CCDC51: variants seen among roughly 807,000 people sequenced by gnomAD.
CCDC51 encodes the protein mitochondrial potassium channel.
CCDC51 carries 25 observed loss-of-function variants against 24.8 expected under a neutral mutation model. The observed-to-expected ratio is 1.01, with a 90% CI of 0.73 to 1.41. The LOEUF is 1.41. Among genes scored for constraint, CCDC51 ranks in the 40% most tolerant of loss-of-function variants. The pLI is 0.00. For missense variants in CCDC51, 466 were observed against 519.1 expected, an observed-to-expected ratio of 0.90 and a Z score of 0.99; for synonymous variants, 190 against 204.3, an observed-to-expected ratio of 0.93 and a Z score of 0.60.
At chr3:48,440,194 T>G, upstream of CCDC51, 2 of 1,506,976 alleles carry the variant, frequency 1.3e-6, no homozygotes, top group East Asian at 2.3e-5. Context: ...TTCAACTTCC[T>G]GACTAGGAGC....
chr3:48,440,501 G>C (rs2107160365), upstream of CCDC51: 5 of 1,604,298 alleles, frequency 3.1e-6, no homozygotes, highest in Admixed American at 3.4e-5. Context: ...GGGGGCGCTG[G>C]GAGACAGGCC....
At chr3:48,440,360 C>T, upstream of CCDC51, 2 of 1,611,730 alleles carry the variant, frequency 1.2e-6, no homozygotes, top group South Asian at 1.1e-5. Flanking sequence ...GGGGTGGGGA[C>T]CGGGCGGCAG....
At chr3:48,446,614 C>G in the CCDC51 span, 2 of 421,600 alleles carry the variant, frequency 4.7e-6, no homozygotes, top group Non-Finnish European at 7.8e-6. Flanking sequence ...GCAAACCTGC[C>G]GAATCCCGCC....
At chr3:48,441,222 T>C (rs1194244673), upstream of CCDC51, among the ~76,000 whole-genome samples, 1 of 152,020 alleles carries the variant, frequency 6.6e-6, no homozygotes, top group African/African-American at 2.4e-5. Context: ...ATTTTTGTAT[T>C]TTTAGTAGAG....
chr3:48,433,367 G>A lies in CCDC51; in HGVS notation c.478-201C>T, dbSNP rs568257901. Among the ~76,000 whole-genome samples, 9 of 152,322 alleles carry A rather than the reference G, an allele frequency of 5.9e-5. No individual in the cohort carries two copies. In the South Asian group the frequency reaches 1.9e-3, roughly 32 times the overall value. On this transcript the variant is annotated intron_variant, in intron 3 of 3. Coordinates refer to ENST00000395694, the MANE Select transcript of CCDC51 (RefSeq NM_001256964.2). This position sits in a 1 kb window ranked among gnomAD's most constrained non-coding sequence, Gnocchi z 4.4. ...AGTGATCAAAGTGAGTTGCATGATC[G>A]TCCCACCTGAGCAGTTCTGGGTTTG... is the stretch of plus-strand genomic sequence containing the variant.
At chr3:48,445,862 C>T in the CCDC51 span, among the ~76,000 whole-genome samples, 1,215 of 152,342 alleles carry the variant, frequency 8.0e-3, 6 homozygotes, top group Non-Finnish European at 0.013. Context: ...AACTTCTGCA[C>T]ACCACAGCTG....
Position 48,433,067 on chromosome 3 carries a change from CCTT to C in CCDC51, c.574_576del (p.Lys192del), listed in dbSNP as rs760368584. 4.0e-5 allele frequency: 64 copies of C among 1,614,062 alleles called. No homozygotes were observed. The highest frequency in any genetic ancestry group is 5.3e-5 in the Non-Finnish European group (62 of 1,180,046). The stretch of plus-strand genomic sequence containing the variant: ...TTGGTCCTCTCAGCCCTTGTGCGCT[CCTT>C]CTCATGACTTTCCCGCACAGCTGCA... On this transcript the variant is annotated inframe_deletion, in exon 4 of 4. Coordinates refer to ENST00000395694, the MANE Select transcript of CCDC51 (RefSeq NM_001256964.2). This position sits in a 1 kb window ranked among gnomAD's most constrained non-coding sequence, Gnocchi z 4.4.
chr3:48,435,385 G>A lies in CCDC51; in HGVS notation c.-8-249C>T, dbSNP rs1560091257. Among the ~76,000 whole-genome samples, 1 of 152,112 alleles carries A rather than the reference G, an allele frequency of 6.6e-6. No individual in the cohort carries two copies. Among genetic ancestry groups the A allele is most frequent in the Non-Finnish European group, 1.5e-5 (1 of 68,018 alleles). On this transcript the variant is annotated intron_variant, in intron 1 of 3. Transcript: ENST00000395694. This position sits in a 1 kb window ranked among gnomAD's most constrained non-coding sequence, Gnocchi z 4.2. ...TAGGATGCCATACCTTCCAGTGCCCGCCACCATGCCACACAAAGCGGACCC... is the reference window on the plus strand; with the variant it reads ...TAGGATGCCATACCTTCCAGTGCCCACCACCATGCCACACAAAGCGGACCC...
upstream of CCDC51, chr3:48,440,186 C>A: frequency 1.3e-6 from 2 of 1,499,508 alleles, no homozygotes; most frequent in South Asian, 1.3e-5. Context: ...AGCGAGAGTT[C>A]AACTTCCTGA....
upstream of CCDC51, chr3:48,440,857 G>A (rs1013097714): frequency 3.4e-5 from 20 of 589,442 alleles, no homozygotes; most frequent in Admixed American, 3.4e-4. Flanking sequence ...CATTCCTTAG[G>A]AAGAGCTGCA....
rs910510557 is a variant in CCDC51, at chr3:48,437,314, C to T, written c.-8-2178G>A. 1.3e-5 allele frequency among the ~76,000 whole-genome samples: 2 copies of T among 152,154 alleles called. No homozygotes were observed. The highest frequency in any genetic ancestry group is 6.5e-5 in the Admixed American group (1 of 15,284). ...GAATGTGGCAATAATTCCCATGTGG[C>T]AACTGGAGTTGTTTCTCCACTCCAG... On this transcript the variant is annotated intron_variant, in intron 1 of 3. Coordinates refer to ENST00000395694, the MANE Select transcript of CCDC51 (RefSeq NM_001256964.2). The surrounding 1 kb of genome is among the most constrained non-coding windows in gnomAD (Gnocchi z 4.2).
At chr3:48,444,561 CTG>C (rs2039633230), upstream of CCDC51, among the ~76,000 whole-genome samples, 2 of 152,212 alleles carry the variant, frequency 1.3e-5, no homozygotes, top group African/African-American at 2.4e-5. Flanking sequence ...GCATGAGCCA[CTG>C]TGCCTGACCA....
At position 48,434,913 on chromosome 3, in the gene CCDC51, C is replaced by T. The variant is rs1429999277; in HGVS notation, c.216G>A (p.Gln72=). Reference sequence around the variant, plus strand: ...TCTTGGCTGTGGAGGTCGCTCGTTGCTGAATGCTGTGCCCCAGGGCTCTTC... The same window carrying T: ...TCTTGGCTGTGGAGGTCGCTCGTTGTTGAATGCTGTGCCCCAGGGCTCTTC... The part of the protein sequence containing the change: ...ALGRALGHSI[Q]QRATSTAKTW... Residue 72 remains glutamine (Q), a synonymous_variant, in exon 2 of 4, where the codon CAG becomes CAA. Coordinates refer to ENST00000395694, the MANE Select transcript of CCDC51 (RefSeq NM_001256964.2). 1 of 1,614,256 alleles carries T rather than the reference C, an allele frequency of 6.2e-7. No individual in the cohort carries two copies. The highest frequency in any genetic ancestry group is 2.2e-5 in the East Asian group (1 of 44,892).
chr3:48,438,948 T>G (rs1347094908), intron 1 of CCDC51, among the ~76,000 whole-genome samples: 1 of 152,194 alleles, frequency 6.6e-6, no homozygotes, highest in East Asian at 1.9e-4. Context: ...TCCAAGCACA[T>G]GGACCTTCTT....
At chr3:48,434,120 A>C (rs2107128111) in intron 2 of CCDC51, 1 of 708,794 alleles carries the variant, frequency 1.4e-6, no homozygotes, top group East Asian at 3.6e-5. Context: ...AAAACTTGAA[A>C]ACAGCTAACA....
rs577436218 is a variant in CCDC51 at position 48,437,498 on chromosome 3, G to A, written c.-8-2362C>T. Among the ~76,000 whole-genome samples the A allele has an allele frequency of 2.4e-4, 36 of 152,214 alleles. No homozygotes were observed. The South Asian group carries it at 7.1e-3, about 30-fold the overall frequency. The stretch of plus-strand genomic sequence containing the variant: ...GAAAAGGTGGAAAGTGCTTGAGGTC[G>A]CCCAAAACCTGAAAGGCAGTCAGTG... On this transcript the variant is annotated intron_variant, in intron 1 of 3. Coordinates refer to ENST00000395694, the MANE Select transcript of CCDC51 (RefSeq NM_001256964.2). The surrounding 1 kb of genome is among the most constrained non-coding windows in gnomAD (Gnocchi z 4.2).
upstream of CCDC51, chr3:48,440,345 A>G (rs780965788): frequency 2.0e-5 from 32 of 1,611,558 alleles, no homozygotes; most frequent in Middle Eastern, 3.3e-4. Flanking sequence ...GACTGCGGGG[A>G]CGGCGGGGTG....
Position 48,434,915 on chromosome 3 carries a change from G to A in CCDC51, c.214C>T (p.Gln72Ter). ...TTGGCTGTGGAGGTCGCTCGTTGCT[G>A]AATGCTGTGCCCCAGGGCTCTTCCC... Reference protein sequence around the residue: ...ALGRALGHSIQQRATSTAKTW... With the variant: ...ALGRALGHSI Residue 72 changes from glutamine (Q) to a stop codon, truncating the protein, a stop_gained, in exon 2 of 4, where the codon CAG (glutamine) becomes TAG (stop). Transcript: ENST00000395694. LOFTEE classifies it high-confidence loss of function. The A allele has an allele frequency of 1.2e-6, 2 of 1,614,244 alleles. No homozygotes were observed. The highest frequency in any genetic ancestry group is 2.2e-5 in the East Asian group (1 of 44,892).
chr3:48,443,376 G>A (rs1025442644), upstream of CCDC51, among the ~76,000 whole-genome samples: 3 of 151,502 alleles, frequency 2.0e-5, no homozygotes, highest in East Asian at 1.9e-4. Flanking sequence ...GGTGAGCCCC[G>A]TCTCCACTAA....
Sources: allele counts gnomAD v4.1 joint callset (sites outside exome capture counted in the v4.1 genomes callset), GRCh38; gene constraint gnomAD v4.1.1; non-coding constraint Gnocchi (gnomAD v3.1); transcripts MANE v1.5; gene names NCBI Gene and HGNC (gene_info 2026-07-23, HGNC 2026-07-21).